Variants in NRG3 observed in about 807,000 individuals in gnomAD.
NRG3 encodes the protein neuregulin 3.
A neutral mutation model predicts 66.9 loss-of-function variants in NRG3; 31 were observed. That is an observed-to-expected ratio of 0.46 (90% CI 0.35 to 0.63). NRG3 has a LOEUF of 0.63. Among genes scored for constraint, NRG3 ranks in the 20% least tolerant of loss-of-function variants. NRG3 has a pLI of 0.00. For missense variants in NRG3, 910 were observed against 878.9 expected (o/e 1.04, Z -0.45); for synonymous variants, 393 against 359.4 (o/e 1.09, Z -1.06).
chr10:82,473,505 C>T (rs889711623), intron 2 of NRG3, among the ~76,000 whole-genome samples: 3 of 152,066 alleles, frequency 2.0e-5, no homozygotes, highest in Non-Finnish European at 4.4e-5. Context: ...CAACTAGAAA[C>T]GGACTAAAAT....
chr10:82,443,312 A>G (rs2090541967), intron 2 of NRG3, among the ~76,000 whole-genome samples: 1 of 152,158 alleles, frequency 6.6e-6, no homozygotes, highest in Non-Finnish European at 1.5e-5. Context: ...TTGAGTTATC[A>G]CTCATGTAAT....
At chr10:82,452,415 A>G (rs189603029) in intron 2 of NRG3, among the ~76,000 whole-genome samples, 3 of 152,308 alleles carry the variant, frequency 2.0e-5, no homozygotes, top group East Asian at 3.9e-4. Flanking sequence ...ATAGAACACA[A>G]TTTATTTCAT....
intron 2 of NRG3, among the ~76,000 whole-genome samples, chr10:82,410,756 A>G (rs1337890439): frequency 1.3e-5 from 2 of 152,116 alleles, no homozygotes; most frequent in Non-Finnish European, 2.9e-5. Flanking sequence ...AGAAGTTCAC[A>G]GATGAATTTC....
At chr10:82,557,152 A>G (rs1306319124) in intron 2 of NRG3, among the ~76,000 whole-genome samples, 1 of 152,134 alleles carries the variant, frequency 6.6e-6, no homozygotes, top group Non-Finnish European at 1.5e-5. Flanking sequence ...CTGGGTATAT[A>G]CCCATAATGG....
At chr10:82,733,631 G>T (rs2058024803) in intron 2 of NRG3, among the ~76,000 whole-genome samples, 1 of 152,208 alleles carries the variant, frequency 6.6e-6, no homozygotes. Context: ...TTTCATCAAT[G>T]AGTAAATGAC....
intron 4 of NRG3, among the ~76,000 whole-genome samples, chr10:82,881,899 G>A (rs1842334275): frequency 6.6e-6 from 1 of 152,122 alleles, no homozygotes; most frequent in Non-Finnish European, 1.5e-5. Flanking sequence ...ATGCCTGTGT[G>A]TCCAGAAACC....
At chr10:82,585,379 C>T (rs1407649620) in intron 2 of NRG3, among the ~76,000 whole-genome samples, 1 of 152,102 alleles carries the variant, frequency 6.6e-6, no homozygotes, top group African/African-American at 2.4e-5. Flanking sequence ...AACTCTAAGT[C>T]TGTGTGAGTT....
At position 81,971,564 on chromosome 10, in the gene NRG3, A is replaced by G. The variant is rs143941659; in HGVS notation, c.823+95401A>G. On this transcript the variant is annotated intron_variant, in intron 1 of 8. Transcript: ENST00000372141. Reference sequence around the variant, plus strand: ...GAGACAGCAAAAAAGTAATAAATGGACAGAATATATGAAGCAAAGGTTTTC... The same window carrying G: ...GAGACAGCAAAAAAGTAATAAATGGGCAGAATATATGAAGCAAAGGTTTTC... Among the ~76,000 whole-genome samples, 20 of 152,348 alleles carry G rather than the reference A, an allele frequency of 1.3e-4. No individual in the cohort carries two copies. The East Asian group carries it at 3.3e-3, about 25-fold the overall frequency.
intron 2 of NRG3, among the ~76,000 whole-genome samples, chr10:82,632,877 T>C (rs2049938983): frequency 6.6e-6 from 1 of 152,160 alleles, no homozygotes; most frequent in African/African-American, 2.4e-5. Flanking sequence ...GTTGCTCAAG[T>C]GGGAAGTTAC....
intron 1 of NRG3, among the ~76,000 whole-genome samples, chr10:81,940,723 T>G (rs1848339597): frequency 6.6e-6 from 1 of 151,950 alleles, no homozygotes; most frequent in Non-Finnish European, 1.5e-5. Flanking sequence ...GGCTGGAAAA[T>G]GTAGTCCAAT....
chr10:82,303,385 C>T (rs1396773091), intron 1 of NRG3, among the ~76,000 whole-genome samples: 2 of 150,628 alleles, frequency 1.3e-5, no homozygotes, highest in Admixed American at 6.6e-5. Flanking sequence ...TACCACTCTT[C>T]CCCCTTATCC....
At chr10:82,435,494 G>A (rs2090078174) in intron 2 of NRG3, among the ~76,000 whole-genome samples, 1 of 151,846 alleles carries the variant, frequency 6.6e-6, no homozygotes, top group African/African-American at 2.4e-5. Context: ...GCTGGCTTTT[G>A]GATTAGTTTG....
At chr10:82,794,399 A>G (rs2060712369) in intron 3 of NRG3, among the ~76,000 whole-genome samples, 1 of 152,142 alleles carries the variant, frequency 6.6e-6, no homozygotes, top group Non-Finnish European at 1.5e-5. Flanking sequence ...TAGAATTTTT[A>G]TGTAACCAAA....
At chr10:82,775,445 G>C (rs1311170501) in intron 3 of NRG3, among the ~76,000 whole-genome samples, 4 of 151,638 alleles carry the variant, frequency 2.6e-5, no homozygotes, top group Non-Finnish European at 5.9e-5. Flanking sequence ...TTGATATCTA[G>C]TTTCATATAC....
intron 3 of NRG3, among the ~76,000 whole-genome samples, chr10:82,818,876 G>C (rs191041970): frequency 6.6e-6 from 1 of 152,238 alleles, no homozygotes; most frequent in East Asian, 1.9e-4. Context: ...AAATACATTT[G>C]ATTGTCCATA....
intron 2 of NRG3, among the ~76,000 whole-genome samples, chr10:82,631,867 C>T (rs554490722): frequency 3.9e-5 from 6 of 152,124 alleles, no homozygotes; most frequent in South Asian, 2.1e-4. Flanking sequence ...TTTAAGAGGC[C>T]GAGGCAGGCA....
At chr10:82,529,053 A>G (rs1484977580) in intron 2 of NRG3, among the ~76,000 whole-genome samples, 1 of 152,212 alleles carries the variant, frequency 6.6e-6, no homozygotes, top group African/African-American at 2.4e-5. Flanking sequence ...TTAGCTTCCA[A>G]TATAGTCTTA....
chr10:82,622,498 G>C (rs1257183749), intron 2 of NRG3, among the ~76,000 whole-genome samples: 1 of 152,058 alleles, frequency 6.6e-6, no homozygotes, highest in Non-Finnish European at 1.5e-5. Flanking sequence ...AATTATACAC[G>C]CACAGACGGC....
intron 4 of NRG3, among the ~76,000 whole-genome samples, chr10:82,908,167 G>T: frequency 6.6e-6 from 1 of 152,136 alleles, no homozygotes; most frequent in East Asian, 1.9e-4. Flanking sequence ...CCATTCCTTT[G>T]CAAGGCCAGA....
Sources: gnomAD v4.1 joint callset for allele counts (sites outside exome capture counted in the v4.1 genomes callset) on GRCh38, gnomAD v4.1.1 for gene constraint, MANE v1.5 for transcripts, NCBI Gene and HGNC (gene_info 2026-07-23, HGNC 2026-07-21) for gene names.